The following KCNT2 variants were observed in gnomAD, a reference collection of about 807,000 sequenced individuals.
The protein encoded by KCNT2 is potassium channel subfamily T member 2.
Under a neutral mutation model 153.8 loss-of-function variants are expected in KCNT2, and 67 were observed. The ratio of observed to expected loss-of-function variants is 0.44; its 90% CI spans 0.36 to 0.53. KCNT2 has a LOEUF of 0.53. Among genes scored for constraint, KCNT2 ranks in the 20% least tolerant of loss-of-function variants. KCNT2 has a pLI of 0.00. For synonymous variants in KCNT2, 500 were observed against 458.8 expected (o/e 1.09, Z -1.15); for missense variants, 975 against 1,354.8 (o/e 0.72, Z 4.40).
chr1:196,502,692 A>T (rs1680799686), intron 1 of KCNT2, among the ~76,000 whole-genome samples: 1 of 152,156 alleles, frequency 6.6e-6, no homozygotes, highest in African/African-American at 2.4e-5. Flanking sequence ...GAAATCAGCC[A>T]AGAGTACTTT....
intron 14 of KCNT2, among the ~76,000 whole-genome samples, chr1:196,358,569 T>C (rs965866131): frequency 1.3e-5 from 2 of 151,960 alleles, no homozygotes; most frequent in African/African-American, 2.4e-5. Flanking sequence ...TTTATACTAC[T>C]CTACTTTTCA....
At chr1:196,444,015 A>T (rs530701455) in intron 8 of KCNT2, among the ~76,000 whole-genome samples, 5 of 151,634 alleles carry the variant, frequency 3.3e-5, no homozygotes, top group African/African-American at 7.2e-5. Flanking sequence ...TGATAAAATT[A>T]AAAAAGGGCC....
chr1:196,226,108 A>G lies in KCNT2; in HGVS notation c.*2116T>C, dbSNP rs2102196153. 6.6e-6 allele frequency: 1 copy of G among 152,142 alleles called. No individual in the cohort carries two copies. The highest frequency in any genetic ancestry group is 6.5e-5 in the Admixed American group (1 of 15,292). The allele number at this position is 152,142 out of a possible 1,614,324, so 9.4% of individuals were successfully genotyped here. ...ATTATTTTAAAATTTATGAAACAAA[A>G]TTTTTAGTTATATAGGAAATATAAT... is the stretch of plus-strand genomic sequence containing the variant. On this transcript the variant is annotated 3_prime_UTR_variant, in exon 28 of 28. Transcript: ENST00000294725.
intron 22 of KCNT2, among the ~76,000 whole-genome samples, chr1:196,299,649 T>A (rs755151306): frequency 6.6e-5 from 10 of 152,074 alleles, no homozygotes; most frequent in Non-Finnish European, 1.3e-4. Context: ...TAACTGTTGG[T>A]TATAAGAATG....
intron 1 of KCNT2, among the ~76,000 whole-genome samples, chr1:196,542,158 C>T (rs1656465839): frequency 1.3e-5 from 2 of 152,048 alleles, no homozygotes; most frequent in Admixed American, 6.6e-5. Context: ...GTTTAAATAA[C>T]CAACTCATTT....
At chr1:196,520,258 C>G (rs374111644) in intron 1 of KCNT2, among the ~76,000 whole-genome samples, 1 of 151,874 alleles carries the variant, frequency 6.6e-6, no homozygotes, top group Non-Finnish European at 1.5e-5. Flanking sequence ...ATTCAACATC[C>G]CTTGATTTTA....
chr1:196,529,272 A>G (rs965068535), intron 1 of KCNT2, among the ~76,000 whole-genome samples: 4 of 152,160 alleles, frequency 2.6e-5, no homozygotes, highest in Non-Finnish European at 4.4e-5. Context: ...GATTATGAAA[A>G]GTACTCTATT....
At chr1:196,583,099 A>G (rs914539196) in intron 1 of KCNT2, among the ~76,000 whole-genome samples, 1 of 152,116 alleles carries the variant, frequency 6.6e-6, no homozygotes, top group Admixed American at 6.6e-5. Context: ...AATGGCAGCC[A>G]GAAGGAAGAC....
intron 1 of KCNT2, among the ~76,000 whole-genome samples, chr1:196,495,397 C>T (rs1246439583): frequency 6.6e-6 from 1 of 151,994 alleles, no homozygotes; most frequent in East Asian, 1.9e-4. Context: ...TTAGTGGTTA[C>T]CCTTCCCAAA....
chr1:196,344,894 T>C (rs1666005620), intron 14 of KCNT2, among the ~76,000 whole-genome samples: 1 of 152,176 alleles, frequency 6.6e-6, no homozygotes, highest in South Asian at 2.1e-4. Context: ...CTTTATGATT[T>C]CTTCAAAACC....
chr1:196,282,393 A>G, intron 23 of KCNT2, 37 bp from the exon 24 acceptor site: 1 of 978,152 alleles, frequency 1.0e-6, no homozygotes, highest in Non-Finnish European at 1.6e-6. Context: ...ATAAATGTAT[A>G]TTTATATATA....
intron 1 of KCNT2, among the ~76,000 whole-genome samples, chr1:196,549,356 A>G (rs1273781017): frequency 2.6e-5 from 4 of 151,950 alleles, no homozygotes; most frequent in Non-Finnish European, 4.4e-5. Context: ...TACAGATAAT[A>G]GGCCCCCCCA....
intron 19 of KCNT2, among the ~76,000 whole-genome samples, chr1:196,320,386 AAG>A (rs1663174750): frequency 1.3e-5 from 2 of 151,850 alleles, no homozygotes; most frequent in African/African-American, 4.8e-5. Context: ...GTAAGAAATA[AAG>A]AGTTTTAAAA....
chr1:196,461,278 A>G (rs1449455637), intron 8 of KCNT2, among the ~76,000 whole-genome samples: 3 of 151,746 alleles, frequency 2.0e-5, no homozygotes, highest in Non-Finnish European at 4.4e-5. Context: ...AATCATGTTT[A>G]ACATGATCAT....
intron 25 of KCNT2, among the ~76,000 whole-genome samples, chr1:196,277,780 G>A (rs1658709574): frequency 6.6e-6 from 1 of 151,998 alleles, no homozygotes; most frequent in Admixed American, 6.6e-5. Flanking sequence ...GAGACATGGT[G>A]AACTGTCAGA....
rs1185559308 is a variant in KCNT2, at chr1:196,360,922, G to GT, written c.1403+12217dup. ...GAGCAGAATAGTGCAAGGTGGGAGA[G>GT]TTTTAGAAGAGCAAGTATTAACCAT... On this transcript the variant is annotated intron_variant, in intron 14 of 27. Transcript: ENST00000294725. 3.3e-5 allele frequency among the ~76,000 whole-genome samples: 5 copies of GT among 152,152 alleles called. No individual in the cohort carries two copies. In the East Asian group the frequency reaches 9.7e-4, roughly 29 times the overall value.
At position 196,407,515 on chromosome 1, in the gene KCNT2, T is replaced by C. The variant is rs995661801; in HGVS notation, c.1186-8844A>G. 2.6e-5 allele frequency among the ~76,000 whole-genome samples: 4 copies of C among 151,494 alleles called. 1 individual carries two copies. Among genetic ancestry groups the C allele is most frequent in the African/African-American group, 9.7e-5 (4 of 41,442 alleles). On this transcript the variant is annotated intron_variant, in intron 12 of 27. Coordinates refer to ENST00000294725, the MANE Select transcript of KCNT2 (RefSeq NM_198503.5). ...GGGTTGACTAAAGAGCTAAATAAAA[T>C]TGCAAAATCTCCCAAAAGAATCTAA...
At chr1:196,257,050 C>G (rs1293803872) in intron 26 of KCNT2, 2 of 154,938 alleles carry the variant, frequency 1.3e-5, no homozygotes. Flanking sequence ...TAATTATGAA[C>G]TATATATGGA....
chr1:196,448,077 C>G (rs749361803), intron 8 of KCNT2, among the ~76,000 whole-genome samples: 1 of 151,568 alleles, frequency 6.6e-6, no homozygotes, highest in African/African-American at 2.4e-5. Flanking sequence ...CATGTCATCC[C>G]CTGAAAAAAG....
Sources: gnomAD v4.1 joint callset for allele counts (sites outside exome capture counted in the v4.1 genomes callset) on GRCh38, gnomAD v4.1.1 for gene constraint, MANE v1.5 for transcripts, NCBI Gene and HGNC (gene_info 2026-07-23, HGNC 2026-07-21) for gene names.